AASS: variants seen among roughly 807,000 people sequenced by gnomAD.
The protein encoded by AASS is alpha-aminoadipic semialdehyde synthase, mitochondrial.
In AASS, 86 loss-of-function variants were observed where a neutral mutation model predicts 105.4. The observed-to-expected ratio is 0.82, with a 90% CI of 0.69 to 0.98. The LOEUF is 0.98. Ranked by LOEUF, AASS falls within the 50% of genes least tolerant of loss-of-function variation. The probability of loss-of-function intolerance (pLI) is 0.00; values close to 1 mark genes in which losing one functional copy is unlikely to be tolerated. For synonymous variants in AASS, 381 were observed against 394.8 expected (o/e 0.96, Z 0.41); for missense variants, 1,048 against 1,143.2 (o/e 0.92, Z 1.20).
At chr7:122,128,633 G>C (rs890038181) in intron 3 of AASS, among the ~76,000 whole-genome samples, 4 of 152,074 alleles carry the variant, frequency 2.6e-5, no homozygotes, top group African/African-American at 9.7e-5. Context: ...TTACTCTTTG[G>C]CTCTTTCCTT....
chr7:122,133,661 G>A lies in AASS; in HGVS notation c.66C>T (p.His22=), dbSNP rs1427315561. 1.2e-6 allele frequency: 2 copies of A among 1,614,124 alleles called. No individual in the cohort carries two copies. Among genetic ancestry groups the A allele is most frequent in the Non-Finnish European group, 1.7e-6 (2 of 1,180,026 alleles). Reference sequence around the variant, plus strand: ...CCCTCCGGACGGCCAACACAGCTTTGTGGTGAAGACCCTTGGAGAGGCTGA... The same window carrying A: ...CCCTCCGGACGGCCAACACAGCTTTATGGTGAAGACCCTTGGAGAGGCTGA... ...LGVSLSKGLH[H]KAVLAVRRED... is the part of the protein sequence containing the mutation. Residue 22 remains histidine, a synonymous_variant, in exon 2 of 24, where the codon CAC becomes CAT. Coordinates refer to ENST00000417368, the MANE Select transcript of AASS (RefSeq NM_005763.4).
chr7:122,109,977 C>A (rs567365690), intron 11 of AASS, among the ~76,000 whole-genome samples: 1 of 151,754 alleles, frequency 6.6e-6, no homozygotes, highest in African/African-American at 2.4e-5. Flanking sequence ...ATAATACAAT[C>A]AAAAATGGGC....
intron 23 of AASS, 93 bp from the exon 24 acceptor site, chr7:122,076,700 G>A: frequency 1.0e-6 from 1 of 964,182 alleles, no homozygotes; most frequent in Non-Finnish European, 1.7e-6. Context: ...CAAACTCAGA[G>A]TCAATGAATT....
rs1166743011 is a variant in AASS, at chr7:122,073,681, A to T, written c.*2808T>A. 1.3e-5 allele frequency among the ~76,000 whole-genome samples: 2 copies of T among 152,108 alleles called. No homozygotes were observed. Among genetic ancestry groups the T allele is most frequent in the Non-Finnish European group, 2.9e-5 (2 of 68,026 alleles). On this transcript the variant is annotated 3_prime_UTR_variant, in exon 24 of 24. Transcript: ENST00000417368. ...CACCATTACCACAATCAACTTTACA[A>T]CGTTTACATCACCCCAAAAAAGAAA...
intron 3 of AASS, among the ~76,000 whole-genome samples, chr7:122,126,843 T>A (rs755474938): frequency 2.4e-4 from 37 of 152,138 alleles, no homozygotes; most frequent in Non-Finnish European, 4.6e-4. Flanking sequence ...TTGAGACGAA[T>A]CTCTGTGACC....
intron 1 of AASS, among the ~76,000 whole-genome samples, chr7:122,143,286 A>T (rs997357676): frequency 6.6e-6 from 1 of 152,032 alleles, no homozygotes; most frequent in African/African-American, 2.4e-5. Flanking sequence ...ATCCTTGTTC[A>T]AGTTACTGAA....
At chr7:122,143,906 C>A (rs191685833) in intron 1 of AASS, among the ~76,000 whole-genome samples, 1 of 152,226 alleles carries the variant, frequency 6.6e-6, no homozygotes, top group Non-Finnish European at 1.5e-5. Flanking sequence ...TGACCGCTCT[C>A]CCTCCCTTCC....
intron 4 of AASS, 61 bp downstream of exon 4, chr7:122,126,314 A>G (rs1795653277): frequency 9.0e-6 from 13 of 1,446,954 alleles, no homozygotes; most frequent in Non-Finnish European, 1.3e-5. Context: ...AAAAGAGAAA[A>G]CTCACAGTTA....
chr7:122,098,020 A>G (rs536150715), intron 15 of AASS, among the ~76,000 whole-genome samples: 78 of 152,172 alleles, frequency 5.1e-4, no homozygotes, highest in African/African-American at 1.4e-3. Context: ...TGAATAAATT[A>G]TCATTTCAGA....
chr7:122,077,827 A>AACAG lies in AASS; in HGVS notation c.2662+7_2662+10dup, dbSNP rs1199908222. 1 of 1,614,188 alleles carries AACAG rather than the reference A, an allele frequency of 6.2e-7. No individual in the cohort carries two copies. Among genetic ancestry groups the AACAG allele is most frequent in the Non-Finnish European group, 8.5e-7 (1 of 1,180,018 alleles). Reference sequence around the variant, plus strand: ...CAGAAACAGGCTTACACCTCAAATGAACAGACTTACCATCAAGCAACATTT... The same window carrying AACAG: ...CAGAAACAGGCTTACACCTCAAATGAACAGACAGACTTACCATCAAGCAACATTT... On this transcript the variant is annotated intron_variant, in intron 23 of 23. Coordinates refer to ENST00000417368, the MANE Select transcript of AASS (RefSeq NM_005763.4).
At chr7:122,101,266 T>C (rs1562921555) in intron 13 of AASS, 105 bp downstream of exon 13, 2 of 910,556 alleles carry the variant, frequency 2.2e-6, no homozygotes, top group Non-Finnish European at 3.6e-6. Context: ...ATTTATATAG[T>C]GTACAAACCT....
At position 122,075,442 on chromosome 7, in the gene AASS, T is replaced by C. The variant is rs1477855731; in HGVS notation, c.*1047A>G. Among the ~76,000 whole-genome samples the C allele has an allele frequency of 6.6e-6, 1 of 152,226 alleles. No homozygotes were observed. The highest frequency in any genetic ancestry group is 2.1e-4 in the South Asian group (1 of 4,832). ...ATTTTATTTTCTTGCCTAATTGCCC[T>C]TTCTTGACTGTCCAGTACAAGTTGA... On this transcript the variant is annotated 3_prime_UTR_variant, in exon 24 of 24. Coordinates refer to ENST00000417368, the MANE Select transcript of AASS (RefSeq NM_005763.4).
At chr7:122,091,047 C>T (rs915301458) in intron 18 of AASS, among the ~76,000 whole-genome samples, 8 of 152,068 alleles carry the variant, frequency 5.3e-5, no homozygotes, top group African/African-American at 1.9e-4. Flanking sequence ...TTACTTATTC[C>T]CATGTCTGTC....
chr7:122,091,900 G>A, intron 17 of AASS, 57 bp from the exon 18 acceptor site: 1 of 1,256,670 alleles, frequency 8.0e-7, no homozygotes, highest in South Asian at 1.2e-5. Flanking sequence ...GAATGTCTAA[G>A]TAATTAATTG....
At chr7:122,113,811 G>T in intron 9 of AASS, 91 bp from the exon 10 acceptor site, 1 of 1,435,760 alleles carries the variant, frequency 7.0e-7, no homozygotes. Context: ...AATTTTCAAT[G>T]TGGATCCCAA....
rs1793349652 is a variant in AASS at position 122,081,910 on chromosome 7, C to G, written c.2185-315G>C. 3 of 306,210 alleles carry G rather than the reference C, an allele frequency of 9.8e-6. No homozygotes were observed. The South Asian group carries it at 1.1e-4, about 12-fold the overall frequency. The allele number at this position is 306,210 out of a possible 1,614,324, so 19.0% of individuals were successfully genotyped here. ...CCTTGCAAAACTTAGGTCTTTACTT[C>G]TGTTTCTGGGTAACATGTGAATGGA... On this transcript the variant is annotated intron_variant, in intron 19 of 23. Coordinates refer to ENST00000417368, the MANE Select transcript of AASS (RefSeq NM_005763.4).
At chr7:122,121,771 T>C (rs1197521142) in intron 4 of AASS, among the ~76,000 whole-genome samples, 1 of 152,156 alleles carries the variant, frequency 6.6e-6, no homozygotes, top group East Asian at 1.9e-4. Context: ...TCAATCCATG[T>C]TTTCAACTGA....
intron 11 of AASS, among the ~76,000 whole-genome samples, chr7:122,108,410 T>C (rs934593309): frequency 6.6e-6 from 1 of 151,924 alleles, no homozygotes; most frequent in African/African-American, 2.4e-5. Flanking sequence ...AGAACATAGA[T>C]ACAAAAATTT....
At chr7:122,130,216 C>T (rs1795849474) in intron 2 of AASS, among the ~76,000 whole-genome samples, 1 of 151,502 alleles carries the variant, frequency 6.6e-6, no homozygotes, top group Admixed American at 6.6e-5. Context: ...AGGTAGGATA[C>T]CAAAGAAATA....
Sources: allele counts gnomAD v4.1 joint callset (sites outside exome capture counted in the v4.1 genomes callset), GRCh38; gene constraint gnomAD v4.1.1; transcripts MANE v1.5; gene names NCBI Gene and HGNC (gene_info 2026-07-23, HGNC 2026-07-21).